The following NEGR1 variants were observed in gnomAD, a reference collection of about 807,000 sequenced individuals.
NEGR1 encodes IgLON family member 4.
A neutral mutation model predicts 40.9 loss-of-function variants in NEGR1; 10 were observed. That is an observed-to-expected ratio of 0.24 (90% CI 0.15 to 0.42). The LOEUF is 0.42. NEGR1 is among the 10% of genes least tolerant of loss of function. NEGR1 has a pLI of 1.00. For missense variants in NEGR1, 352 were observed against 438.9 expected (o/e 0.80, Z 1.77); for synonymous variants, 185 against 166.8 (o/e 1.11, Z -0.84).
intron 2 of NEGR1, among the ~76,000 whole-genome samples, chr1:71,835,768 A>C (rs112734747): frequency 6.6e-6 from 1 of 151,884 alleles, no homozygotes; most frequent in African/African-American, 2.4e-5. Flanking sequence ...TTGAATTATG[A>C]CTCTATCAAT....
intron 2 of NEGR1, among the ~76,000 whole-genome samples, chr1:71,834,440 T>A (rs1048476957): frequency 6.6e-6 from 1 of 151,850 alleles, no homozygotes; most frequent in African/African-American, 2.4e-5. Context: ...GAAGGAGGAA[T>A]TCACCACCCA....
chr1:71,481,125 G>GT (rs1646851275), intron 6 of NEGR1, among the ~76,000 whole-genome samples: 1 of 151,890 alleles, frequency 6.6e-6, no homozygotes, highest in Admixed American at 6.6e-5. Context: ...GGAAATGGAT[G>GT]TATCTCTTGC....
At position 71,549,851 on chromosome 1, in the gene NEGR1, GA is replaced by G. The variant is rs558714429; in HGVS notation, c.940+42965del. Among the ~76,000 whole-genome samples, 137 of 151,594 alleles carry G rather than the reference GA, an allele frequency of 9.0e-4. 1 individual carries two copies. Among genetic ancestry groups the G allele is most frequent in the Non-Finnish European group, 1.3e-3 (86 of 67,736 alleles). ...ACCCTGTCAGCAATTGACTACCATT[GA>G]AAGCTCAAGCTTCTAGTATAGAGCC... is the stretch of plus-strand genomic sequence containing the variant. On this transcript the variant is annotated intron_variant, in intron 6 of 6. Transcript: ENST00000357731.
At chr1:72,030,986 C>G (rs1013082876) in intron 1 of NEGR1, among the ~76,000 whole-genome samples, 2 of 152,176 alleles carry the variant, frequency 1.3e-5, no homozygotes, top group East Asian at 1.9e-4. Flanking sequence ...AAGAGTTTAT[C>G]TTACATGTTG....
chr1:71,979,231 A>G (rs1646334113), intron 1 of NEGR1, among the ~76,000 whole-genome samples: 1 of 152,116 alleles, frequency 6.6e-6, no homozygotes, highest in South Asian at 2.1e-4. Flanking sequence ...GAGGAAGGAG[A>G]GGAACGGAAA....
chr1:71,971,779 T>A (rs1646258491), intron 1 of NEGR1, among the ~76,000 whole-genome samples: 1 of 152,226 alleles, frequency 6.6e-6, no homozygotes, highest in Non-Finnish European at 1.5e-5. Flanking sequence ...TATGGTCACG[T>A]ATTTTTAAAG....
At chr1:71,999,676 T>TATATATATAC (rs1553129022) in intron 1 of NEGR1, among the ~76,000 whole-genome samples, 21 of 52,176 alleles carry the variant, frequency 4.0e-4, no homozygotes, top group Non-Finnish European at 5.5e-4. Flanking sequence ...TATATATATA[T>TATATATATAC]ATACATACAT....
At chr1:72,280,088 A>G (rs1444284016) in intron 1 of NEGR1, among the ~76,000 whole-genome samples, 1 of 152,230 alleles carries the variant, frequency 6.6e-6, no homozygotes. Context: ...AAGTTCCCTC[A>G]GTATCACAAA....
At chr1:71,997,015 C>T (rs570561824) in intron 1 of NEGR1, among the ~76,000 whole-genome samples, 2 of 152,076 alleles carry the variant, frequency 1.3e-5, no homozygotes, top group East Asian at 3.9e-4. Context: ...CTCCTTTTTT[C>T]AATCTGTTTC....
At position 71,402,068 on chromosome 1, in the gene NEGR1, G is replaced by T. The variant is rs1646250104; in HGVS notation, c.*5378C>A. 6.6e-6 allele frequency: 1 copy of T among 152,016 alleles called. No homozygotes were observed. The highest frequency in any genetic ancestry group is 6.6e-5 in the Admixed American group (1 of 15,250). 9.4% of individuals were successfully genotyped at this position (152,016 alleles called of 1,614,324 possible). A position where few individuals can be genotyped will look rare whatever the true frequency, so the allele number is the denominator to read the frequency against. On this transcript the variant is annotated 3_prime_UTR_variant, in exon 7 of 7. Coordinates refer to ENST00000357731, the MANE Select transcript of NEGR1 (RefSeq NM_173808.3). ...AATAGTTGTCTATGAAGCTAGCAATGTGATTATATGCTTTTCTTTTTCCTA... is the reference window on the plus strand; with the variant it reads ...AATAGTTGTCTATGAAGCTAGCAATTTGATTATATGCTTTTCTTTTTCCTA...
At chr1:72,016,770 A>T (rs949359719) in intron 1 of NEGR1, among the ~76,000 whole-genome samples, 3 of 152,200 alleles carry the variant, frequency 2.0e-5, no homozygotes, top group African/African-American at 7.2e-5. Flanking sequence ...GGTTTACCAG[A>T]CGTAATGAGC....
intron 1 of NEGR1, among the ~76,000 whole-genome samples, chr1:72,158,719 T>G (rs1651450063): frequency 1.3e-5 from 2 of 152,184 alleles, no homozygotes; most frequent in Non-Finnish European, 2.9e-5. Context: ...TATATCAGAT[T>G]GAAAGACAAT....
At chr1:71,455,635 GA>G (rs1365976398) in intron 6 of NEGR1, among the ~76,000 whole-genome samples, 1 of 152,136 alleles carries the variant, frequency 6.6e-6, no homozygotes, top group African/African-American at 2.4e-5. Context: ...TGAGGCAGGG[GA>G]ATCGCTTGAA....
At position 71,555,565 on chromosome 1, in the gene NEGR1, G is replaced by T. The variant is rs1648227731; in HGVS notation, c.940+37252C>A. On this transcript the variant is annotated intron_variant, in intron 6 of 6. Transcript: ENST00000357731. Reference sequence around the variant, plus strand: ...TACTACTCTAAAAAGTTGATAATTTGATAAGAGCACTGCTGAGTATGCTCA... The same window carrying T: ...TACTACTCTAAAAAGTTGATAATTTTATAAGAGCACTGCTGAGTATGCTCA... 2.6e-5 allele frequency among the ~76,000 whole-genome samples: 4 copies of T among 151,620 alleles called. No individual in the cohort carries two copies. The South Asian group carries it at 8.3e-4, about 31-fold the overall frequency.
At chr1:71,542,696 T>C (rs1647753844) in intron 6 of NEGR1, among the ~76,000 whole-genome samples, 1 of 151,740 alleles carries the variant, frequency 6.6e-6, no homozygotes, top group Admixed American at 6.6e-5. Context: ...ACAACATTAC[T>C]CTAAATATGA....
chr1:71,765,849 A>G (rs964373681), intron 3 of NEGR1, among the ~76,000 whole-genome samples: 2 of 152,180 alleles, frequency 1.3e-5, no homozygotes, highest in African/African-American at 4.8e-5. Context: ...TTTATTAAAC[A>G]AAAGTGAGCA....
chr1:71,804,441 G>A (rs1274689469), intron 2 of NEGR1, among the ~76,000 whole-genome samples: 1 of 150,458 alleles, frequency 6.6e-6, no homozygotes, highest in East Asian at 2.0e-4. Context: ...AGGTTCACAT[G>A]TGGAATCACA....
chr1:71,798,358 T>TA (rs1023197513), intron 2 of NEGR1: 4 of 151,620 alleles, frequency 2.6e-5, no homozygotes, highest in South Asian at 4.2e-4. Flanking sequence ...AGGTTAAACA[T>TA]AAAAAAATGA....
At position 71,984,335 on chromosome 1, in the gene NEGR1, C is replaced by T. The variant is rs1646377494; in HGVS notation, c.177-49024G>A. ...TAGATACAGGGTCTCACCATGTTGC[C>T]TAGACTGGTCTCGAACTCCTGGTAT... On this transcript the variant is annotated intron_variant, in intron 1 of 6. Coordinates refer to ENST00000357731, the MANE Select transcript of NEGR1 (RefSeq NM_173808.3). Among the ~76,000 whole-genome samples the T allele has an allele frequency of 1.7e-5, 2 of 117,520 alleles. 1 individual carries two copies. Among genetic ancestry groups the T allele is most frequent in the Non-Finnish European group, 3.9e-5 (2 of 50,862 alleles). 77.1% of individuals were successfully genotyped at this position (117,520 alleles called of 152,430 possible).
Sources: allele counts gnomAD v4.1 joint callset (sites outside exome capture counted in the v4.1 genomes callset), GRCh38; gene constraint gnomAD v4.1.1; transcripts MANE v1.5; gene names NCBI Gene and HGNC (gene_info 2026-07-23, HGNC 2026-07-21).